The following PCDH11X variants were observed in gnomAD, a reference collection of about 807,000 sequenced individuals.
PCDH11X encodes the protein protocadherin-11 X-linked.
In PCDH11X, 18 loss-of-function variants were observed where a neutral mutation model predicts 53.3. The ratio of observed to expected loss-of-function variants is 0.34; its 90% CI spans 0.23 to 0.50. The LOEUF (loss-of-function observed/expected upper bound fraction) is 0.50. Among genes scored for constraint, PCDH11X ranks in the 20% least tolerant of loss-of-function variants. PCDH11X has a pLI of 0.98. For missense variants in PCDH11X, 570 were observed against 1,032.4 expected (o/e 0.55, Z 6.14); for synonymous variants, 279 against 393.3 (o/e 0.71, Z 3.44).
intron 10 of PCDH11X, among the ~76,000 whole-genome samples, chrX:92,581,209 A>G (rs1178294143): frequency 8.9e-6 from 1 of 111,963 alleles, no homozygotes; most frequent in Non-Finnish European, 1.9e-5. Context: ...ACATAGACAA[A>G]CACTATATCC....
intron 8 of PCDH11X, among the ~76,000 whole-genome samples, chrX:92,285,873 A>C (rs755891207): frequency 6.3e-5 from 7 of 111,658 alleles, no homozygotes; most frequent in Admixed American, 2.9e-4. Flanking sequence ...GCCAGTGATA[A>C]GCATTGTTTC....
intron 6 of PCDH11X, among the ~76,000 whole-genome samples, chrX:91,933,638 G>A (rs1371247572): frequency 1.3e-4 from 15 of 111,170 alleles, no homozygotes; most frequent in Admixed American, 9.6e-4. Flanking sequence ...ATATTTTGGT[G>A]CATTTTTATC....
At chrX:91,902,500 A>G (rs1219487474) in intron 6 of PCDH11X, among the ~76,000 whole-genome samples, 1 of 101,152 alleles carries the variant, frequency 9.9e-6, no homozygotes, top group Non-Finnish European at 2.0e-5. Flanking sequence ...TCCACTGCAT[A>G]AGTGTTAATT....
At position 92,290,253 on chromosome X, in the gene PCDH11X, A is replaced by T. The variant is rs780222194; in HGVS notation, c.3144+27110A>T. The stretch of plus-strand genomic sequence containing the variant: ...AATTTGCTAATTTTTACAACCTTTT[A>T]CATCAAATGGTTATTTTTCCATCAT... On this transcript the variant is annotated intron_variant, in intron 8 of 10. Coordinates refer to ENST00000682573, the MANE Select transcript of PCDH11X (RefSeq NM_032968.5). Among the ~76,000 whole-genome samples, 122 of 112,044 alleles carry T rather than the reference A, an allele frequency of 1.1e-3. 1 individual carries two copies. The highest frequency in any genetic ancestry group is 3.8e-3 in the African/African-American group (117 of 30,915).
intron 5 of PCDH11X, among the ~76,000 whole-genome samples, chrX:91,850,788 C>T (rs1231998121): frequency 9.1e-6 from 1 of 109,850 alleles, no homozygotes; most frequent in Admixed American, 9.8e-5. Context: ...TATATATGTC[C>T]TTACCAATTG....
intron 7 of PCDH11X, among the ~76,000 whole-genome samples, chrX:92,201,700 C>A (rs1286830181): frequency 8.9e-6 from 1 of 111,995 alleles, no homozygotes; most frequent in Non-Finnish European, 1.9e-5. Context: ...CTAAAAGCAT[C>A]TTCTAAATGT....
intron 8 of PCDH11X, among the ~76,000 whole-genome samples, chrX:92,272,909 A>C (rs1053693390): frequency 2.3e-4 from 26 of 112,697 alleles, no homozygotes; most frequent in Non-Finnish European, 4.9e-4. Flanking sequence ...CTACTATAGA[A>C]TATCCTTCTT....
intron 9 of PCDH11X, among the ~76,000 whole-genome samples, chrX:92,422,786 T>C (rs1212162680): frequency 9.0e-6 from 1 of 111,273 alleles, no homozygotes. Flanking sequence ...CATGTAAAAG[T>C]GTTCCCTTTT....
intron 6 of PCDH11X, among the ~76,000 whole-genome samples, chrX:92,037,483 A>C (rs2063143970): frequency 1.8e-5 from 2 of 111,512 alleles, no homozygotes; most frequent in Admixed American, 9.5e-5. Context: ...GGTTGGTTCC[A>C]TGTTTTTGCT....
At chrX:92,255,149 C>A (rs1371802587) in intron 7 of PCDH11X, among the ~76,000 whole-genome samples, 1 of 107,497 alleles carries the variant, frequency 9.3e-6, no homozygotes, top group African/African-American at 3.4e-5. Context: ...TCTTTTTACT[C>A]TTTTTTCTCT....
chrX:92,435,112 A>G (rs2072339984), intron 9 of PCDH11X, among the ~76,000 whole-genome samples: 1 of 111,290 alleles, frequency 9.0e-6, no homozygotes. Context: ...AAGAATCATA[A>G]TAAAATGATA....
chrX:92,017,363 A>G (rs1406658798), intron 6 of PCDH11X, among the ~76,000 whole-genome samples: 1 of 110,186 alleles, frequency 9.1e-6, no homozygotes, highest in Non-Finnish European at 1.9e-5. Flanking sequence ...CACAAAAATT[A>G]AAAATTATGA....
rs375963745 is a variant in PCDH11X at position 91,870,704 on chromosome X, A to C, written c.541-6077A>C. 2.0e-4 allele frequency among the ~76,000 whole-genome samples: 22 copies of C among 111,052 alleles called. No individual in the cohort carries two copies. In the East Asian group the frequency reaches 3.4e-3, roughly 17 times the overall value. ...TTAACAATACTATTATTAATATTTT[A>C]ATGTAAACTTATTTCTTCCTAAGAG... On this transcript the variant is annotated intron_variant, in intron 5 of 10. Coordinates refer to ENST00000682573, the MANE Select transcript of PCDH11X (RefSeq NM_032968.5).
At chrX:92,170,798 T>G (rs1377227883) in intron 6 of PCDH11X, among the ~76,000 whole-genome samples, 1 of 94,325 alleles carries the variant, frequency 1.1e-5, no homozygotes, top group Non-Finnish European at 2.1e-5. Context: ...TTGTTTTTTG[T>G]TTTTTTTTTT....
At chrX:92,557,065 C>A (rs1177737518) in intron 10 of PCDH11X, among the ~76,000 whole-genome samples, 1 of 111,277 alleles carries the variant, frequency 9.0e-6, no homozygotes, top group Admixed American at 9.6e-5. Flanking sequence ...ATGCAAGGCA[C>A]CATGCCCTGA....
intron 9 of PCDH11X, chrX:92,461,063 T>G: frequency 2.2e-6 from 1 of 446,672 alleles, no homozygotes; most frequent in Non-Finnish European, 3.8e-6. Flanking sequence ...TGAAAGAAAT[T>G]GAGGCAGATA....
At chrX:92,319,867 T>A (rs1475518807) in intron 8 of PCDH11X, among the ~76,000 whole-genome samples, 2 of 111,792 alleles carry the variant, frequency 1.8e-5, no homozygotes, top group African/African-American at 6.5e-5. Flanking sequence ...TAGATCAAGA[T>A]CTTTTCAGTT....
chrX:92,134,174 CA>C (rs1357161423), intron 6 of PCDH11X, among the ~76,000 whole-genome samples: 2 of 111,588 alleles, frequency 1.8e-5, no homozygotes, highest in Non-Finnish European at 1.9e-5. Context: ...ATCAGATATG[CA>C]TTTGTCTCAC....
chrX:92,621,202 T>C lies in PCDH11X; in HGVS notation c.*2262T>C, dbSNP rs1355118923. 1 of 100,007 alleles carries C rather than the reference T, an allele frequency of 1.0e-5. No homozygotes were observed. The highest frequency in any genetic ancestry group is 1.1e-4 in the Admixed American group (1 of 9,104). 8.2% of individuals were successfully genotyped at this position (100,007 alleles called of 1,213,427 possible). ...ATATAAAAAGAAGAGGTTGAAAGAT[T>C]ATTAAATAACTTATCAGGCATCTCA... On this transcript the variant is annotated 3_prime_UTR_variant, in exon 11 of 11. Coordinates refer to ENST00000682573, the MANE Select transcript of PCDH11X (RefSeq NM_032968.5).
Sources: gnomAD v4.1 joint callset for allele counts (sites outside exome capture counted in the v4.1 genomes callset) on GRCh38, gnomAD v4.1.1 for gene constraint, MANE v1.5 for transcripts, NCBI Gene and HGNC (gene_info 2026-07-23, HGNC 2026-07-21) for gene names.